Variants in CTNNA2 observed in about 807,000 individuals in gnomAD.
CTNNA2 encodes catenin alpha 2.
Under a neutral mutation model 101.0 loss-of-function variants are expected in CTNNA2, and 42 were observed. That is an observed-to-expected ratio of 0.42 (90% CI 0.32 to 0.54). The LOEUF (loss-of-function observed/expected upper bound fraction) is 0.54, where lower values mean the gene tolerates loss of function less well. Among genes scored for constraint, CTNNA2 ranks in the 20% least tolerant of loss-of-function variants. The pLI, the probability that CTNNA2 is intolerant of heterozygous loss-of-function variation, is 0.14. For missense variants in CTNNA2, 871 were observed against 1,223.1 expected, an observed-to-expected ratio of 0.71 and a Z score of 4.29; for synonymous variants, 450 against 456.4, an observed-to-expected ratio of 0.99 and a Z score of 0.18.
At chr2:79,927,993 A>C (rs1558648583) in intron 7 of CTNNA2, among the ~76,000 whole-genome samples, 1 of 152,186 alleles carries the variant, frequency 6.6e-6, no homozygotes, top group Admixed American at 6.5e-5. Flanking sequence ...AAAGTTAAAA[A>C]AAAATTATTT....
intron 7 of CTNNA2, among the ~76,000 whole-genome samples, chr2:79,949,095 C>G (rs1449462824): frequency 6.6e-6 from 1 of 151,958 alleles, no homozygotes; most frequent in Non-Finnish European, 1.5e-5. Flanking sequence ...TTTATCTGAA[C>G]AAGAAAGATA....
At chr2:80,220,256 C>A (rs147434263) in intron 7 of CTNNA2, among the ~76,000 whole-genome samples, 135 of 152,196 alleles carry the variant, frequency 8.9e-4, no homozygotes, top group Non-Finnish European at 1.5e-3. Context: ...ACACAATGCT[C>A]CTCTCTCCCC....
rs76046470 is a variant in CTNNA2, at chr2:80,598,830, G to A, written c.2190-5244G>A. On this transcript the variant is annotated intron_variant, in intron 15 of 18. Transcript: ENST00000402739. The stretch of plus-strand genomic sequence containing the variant: ...ATGGCATTCCTGACATAACAAACTT[G>A]TAGAGGTGGAGAAGAGATTCATGAT... Among the ~76,000 whole-genome samples, 1,185 of 152,282 alleles carry A rather than the reference G, an allele frequency of 7.8e-3. 8 individuals are homozygous for A. Among genetic ancestry groups the A allele is most frequent in the Non-Finnish European group, 0.013 (869 of 68,020 alleles).
intron 4 of CTNNA2, among the ~76,000 whole-genome samples, chr2:79,494,277 AT>A (rs35039244): frequency 0.35 from 50,830 of 147,022 alleles, 8,832 homozygotes; most frequent in Admixed American, 0.39. Flanking sequence ...CAGCTGCCCT[AT>A]TTTTTTTTTT....
chr2:79,457,126 C>T (rs558051141), intron 4 of CTNNA2, among the ~76,000 whole-genome samples: 92 of 150,348 alleles, frequency 6.1e-4, no homozygotes, highest in African/African-American at 2.0e-3. Flanking sequence ...GGCATGAACC[C>T]GGGAGGCGGA....
intron 7 of CTNNA2, among the ~76,000 whole-genome samples, chr2:80,283,394 A>C (rs1033323767): frequency 1.3e-5 from 2 of 152,158 alleles, no homozygotes; most frequent in Non-Finnish European, 2.9e-5. Context: ...CAAATTGTAT[A>C]TATGTATTGA....
At chr2:79,637,606 T>G (rs1201302568) in intron 1 of CTNNA2, among the ~76,000 whole-genome samples, 1 of 152,210 alleles carries the variant, frequency 6.6e-6, no homozygotes, top group Non-Finnish European at 1.5e-5. Context: ...AAAGGTCTAG[T>G]CTTCTCTGAC....
intron 7 of CTNNA2, among the ~76,000 whole-genome samples, chr2:80,392,872 C>T (rs933649472): frequency 6.6e-6 from 1 of 152,116 alleles, no homozygotes; most frequent in Non-Finnish European, 1.5e-5. Context: ...AATATAGACA[C>T]ACAAAGCATT....
chr2:79,507,336 C>T (rs1016966671), intron 5 of CTNNA2, among the ~76,000 whole-genome samples: 4 of 152,074 alleles, frequency 2.6e-5, no homozygotes, highest in Non-Finnish European at 2.9e-5. Context: ...GAAGTGGGAA[C>T]TTTTAGAGGT....
intron 8 of CTNNA2, 96 bp from the exon 9 acceptor site, chr2:80,419,353 A>G: frequency 1.1e-6 from 1 of 924,388 alleles, no homozygotes; most frequent in Non-Finnish European, 1.6e-6. Context: ...TATTATCTCC[A>G]TGGGTAATGA....
At chr2:80,444,104 T>C (rs988364611) in intron 9 of CTNNA2, among the ~76,000 whole-genome samples, 1 of 152,230 alleles carries the variant, frequency 6.6e-6, no homozygotes, top group African/African-American at 2.4e-5. Context: ...TCTCTGAATG[T>C]CAGTTTTCCC....
chr2:80,422,100 G>A (rs572474412), intron 9 of CTNNA2, among the ~76,000 whole-genome samples: 1 of 152,260 alleles, frequency 6.6e-6, no homozygotes, highest in African/African-American at 2.4e-5. Flanking sequence ...GCAAGACTGG[G>A]TAATTTATAA....
At chr2:79,672,034 CTTATT>C (rs1444607051) in intron 2 of CTNNA2, among the ~76,000 whole-genome samples, 5 of 152,130 alleles carry the variant, frequency 3.3e-5, no homozygotes, top group Non-Finnish European at 7.4e-5. Context: ...TACCTATTTT[CTTATT>C]TTATTTTATT....
chr2:79,626,921 C>A (rs759414402), intron 1 of CTNNA2, among the ~76,000 whole-genome samples: 1 of 151,972 alleles, frequency 6.6e-6, no homozygotes, highest in Non-Finnish European at 1.5e-5. Flanking sequence ...AATATTATAG[C>A]AATAAAATTT....
intron 7 of CTNNA2, among the ~76,000 whole-genome samples, chr2:80,000,132 C>A (rs576933434): frequency 1.3e-5 from 2 of 152,218 alleles, no homozygotes; most frequent in South Asian, 4.2e-4. Flanking sequence ...TTAAAAGAAA[C>A]TCAAAAACAA....
chr2:79,849,283 A>G (rs992496691), intron 3 of CTNNA2, among the ~76,000 whole-genome samples: 22 of 149,630 alleles, frequency 1.5e-4, no homozygotes, highest in Non-Finnish European at 2.4e-4. Context: ...TATGGCTTGC[A>G]TGATAGGGTT....
At chr2:79,454,293 G>A (rs1670789639) in intron 4 of CTNNA2, among the ~76,000 whole-genome samples, 2 of 152,030 alleles carry the variant, frequency 1.3e-5, no homozygotes, top group Non-Finnish European at 2.9e-5. Flanking sequence ...GAACTCTGAT[G>A]TATAATTCAC....
At chr2:80,623,933 G>T (rs1432568176) in intron 18 of CTNNA2, among the ~76,000 whole-genome samples, 1 of 152,054 alleles carries the variant, frequency 6.6e-6, no homozygotes, top group East Asian at 1.9e-4. Context: ...ATATTCTCAA[G>T]AAAATTGGTT....
intron 17 of CTNNA2, chr2:80,616,452 G>A (rs1698864617): frequency 6.6e-6 from 1 of 151,656 alleles, no homozygotes; most frequent in South Asian, 2.1e-4. Context: ...TCTGCAGATT[G>A]TTCTTTTGGA....
Sources: gnomAD v4.1 joint callset for allele counts (sites outside exome capture counted in the v4.1 genomes callset) on GRCh38, gnomAD v4.1.1 for gene constraint, MANE v1.5 for transcripts, NCBI Gene and HGNC (gene_info 2026-07-23, HGNC 2026-07-21) for gene names.